POFUT1: variants seen among roughly 807,000 people sequenced by gnomAD.
POFUT1 encodes protein O-fucosyltransferase 1, also known as GDP-fucose protein O-fucosyltransferase 1.
In POFUT1, 16 loss-of-function variants were observed where a neutral mutation model predicts 42.4. That is an observed-to-expected ratio of 0.38 (90% CI 0.26 to 0.57). The LOEUF is 0.57. POFUT1 is among the 20% of genes least tolerant of loss of function. The pLI, the probability that POFUT1 is intolerant of heterozygous loss-of-function variation, is 0.71. For missense variants in POFUT1, 470 were observed against 504.6 expected (o/e 0.93, Z 0.66); for synonymous variants, 206 against 205.4 (o/e 1.00, Z -0.03).
intron 4 of POFUT1, chr20:32,223,537 A>AT (rs2047400484): frequency 4.1e-6 from 4 of 982,432 alleles, no homozygotes; most frequent in Non-Finnish European, 4.8e-6. Context: ...TTATCCTGAT[A>AT]TTCCAGCCCC....
At chr20:32,234,406 G>T in intron 6 of POFUT1, 67 bp from the exon 7 acceptor site, 1 of 1,379,112 alleles carries the variant, frequency 7.3e-7, no homozygotes, top group Non-Finnish European at 1.0e-6. Context: ...AATAAGGTTG[G>T]GGGTGTGGAT....
intron 2 of POFUT1, 41 bp downstream of exon 2, chr20:32,210,233 C>A (rs1402696613): frequency 1.2e-6 from 2 of 1,611,600 alleles, no homozygotes; most frequent in Non-Finnish European, 1.7e-6. Flanking sequence ...TCCGCCCTTT[C>A]TCAGTCTTGC....
At position 32,207,914 on chromosome 20, in the gene POFUT1, C is replaced by A; in HGVS notation, c.-28C>A. 1 of 1,567,550 alleles carries A rather than the reference C, an allele frequency of 6.4e-7. No individual in the cohort carries two copies. Among genetic ancestry groups the A allele is most frequent in the Non-Finnish European group, 8.6e-7 (1 of 1,165,558 alleles). The stretch of plus-strand genomic sequence containing the variant: ...CCTCCTTCCCTCCCCGACTGTGCGC[C>A]GCGGCTGGCTCGGGTTCCCGGGCCG... On this transcript the variant is annotated 5_prime_UTR_variant, in exon 1 of 7. Coordinates refer to ENST00000375749, the MANE Select transcript of POFUT1 (RefSeq NM_015352.2).
chr20:32,210,807 C>T (rs181323626), intron 2 of POFUT1, among the ~76,000 whole-genome samples: 12 of 152,306 alleles, frequency 7.9e-5, no homozygotes, highest in Admixed American at 3.9e-4. Context: ...TTGTATCTCC[C>T]GGAGCCTGGC....
intron 6 of POFUT1, 70 bp from the exon 7 acceptor site, chr20:32,234,403 T>G: frequency 7.4e-7 from 1 of 1,356,216 alleles, no homozygotes; most frequent in Non-Finnish European, 1.0e-6. Flanking sequence ...GGGAATAAGG[T>G]TGGGGGTGTG....
chr20:32,220,424 C>G (rs1377659257), intron 4 of POFUT1, among the ~76,000 whole-genome samples: 2 of 152,158 alleles, frequency 1.3e-5, no homozygotes, highest in Non-Finnish European at 2.9e-5. Flanking sequence ...GCCACCATGC[C>G]CATCCAGGGC....
rs149350926 is a variant in POFUT1 at position 32,237,506 on chromosome 20, G to T, written c.*2845G>T. 16 of 227,236 alleles carry T rather than the reference G, an allele frequency of 7.0e-5. No individual in the cohort carries two copies. Among genetic ancestry groups the T allele is most frequent in the African/African-American group, 3.5e-4 (16 of 45,196 alleles). The allele number at this position is 227,236 out of a possible 1,614,324, so 14.1% of individuals were successfully genotyped here. A position where few individuals can be genotyped will look rare whatever the true frequency, so the allele number is the denominator to read the frequency against. On this transcript the variant is annotated 3_prime_UTR_variant, in exon 7 of 7. Coordinates refer to ENST00000375749, the MANE Select transcript of POFUT1 (RefSeq NM_015352.2). ...TGCAAAGGCCCCGAGACTGGAGTGT[G>T]TTCCTGAAGAGCAGCCAGGAGGCCA...
rs1424014849 is a variant in POFUT1, at chr20:32,236,252, G to A, written c.*1591G>A. On this transcript the variant is annotated 3_prime_UTR_variant, in exon 7 of 7. Coordinates refer to ENST00000375749, the MANE Select transcript of POFUT1 (RefSeq NM_015352.2). ...CTAGGTTGTAAGCCTGTAGCTGGCT[G>A]GCTGATTTCATTTTGGAATTCATTT... 7 of 152,218 alleles carry A rather than the reference G, an allele frequency of 4.6e-5. No individual in the cohort carries two copies. The highest frequency in any genetic ancestry group is 8.8e-5 in the Non-Finnish European group (6 of 68,054). The allele number at this position is 152,218 out of a possible 1,614,324, so 9.4% of individuals were successfully genotyped here. A position where few individuals can be genotyped will look rare whatever the true frequency, so the allele number is the denominator to read the frequency against.
chr20:32,215,581 T>C, intron 3 of POFUT1, 130 bp downstream of exon 3: 1 of 797,338 alleles, frequency 1.3e-6, no homozygotes, highest in Non-Finnish European at 2.0e-6. Context: ...ATTTAAGTCC[T>C]GTTTCTGGCA....
intron 4 of POFUT1, among the ~76,000 whole-genome samples, chr20:32,219,315 G>T (rs1420460164): frequency 6.6e-6 from 1 of 152,164 alleles, no homozygotes; most frequent in Non-Finnish European, 1.5e-5. Context: ...GGAGCCAGTT[G>T]TGTCAGAGTT....
At chr20:32,231,309 T>C (rs921447605) in intron 6 of POFUT1, 9 of 494,454 alleles carry the variant, frequency 1.8e-5, no homozygotes, top group East Asian at 7.6e-5. Flanking sequence ...TATCATTTCT[T>C]CTCTCGGGCA....
intron 6 of POFUT1, among the ~76,000 whole-genome samples, chr20:32,234,151 C>A (rs1231643308): frequency 2.6e-5 from 4 of 152,108 alleles, no homozygotes; most frequent in African/African-American, 7.2e-5. Flanking sequence ...AAGCCCATCT[C>A]AAAAAATTAA....
intron 2 of POFUT1, among the ~76,000 whole-genome samples, chr20:32,214,582 T>C (rs2047348783): frequency 6.6e-6 from 1 of 152,254 alleles, no homozygotes; most frequent in Non-Finnish European, 1.5e-5. Context: ...GAGAAGTAAT[T>C]GATGCCTCGT....
chr20:32,238,587 T>A lies in POFUT1; in HGVS notation c.*3926T>A, dbSNP rs944405158. The A allele has an allele frequency of 1.3e-5, 2 of 152,176 alleles. No individual in the cohort carries two copies. Among genetic ancestry groups the A allele is most frequent in the African/African-American group, 4.8e-5 (2 of 41,444 alleles). 9.4% of individuals were successfully genotyped at this position (152,176 alleles called of 1,614,324 possible). On this transcript the variant is annotated 3_prime_UTR_variant, in exon 7 of 7. Transcript: ENST00000375749. Reference sequence around the variant, plus strand: ...TTGTTAGATCAAACACTTAAAACTTTTTGTTATGGAAGAATTCAAATATAA... The same window carrying A: ...TTGTTAGATCAAACACTTAAAACTTATTGTTATGGAAGAATTCAAATATAA...
In POFUT1 at chr20:32,216,734, G is replaced by T. The variant is rs1248005491; in HGVS notation, c.542+13G>T. The T allele has an allele frequency of 8.9e-6, 14 of 1,574,742 alleles. No individual in the cohort carries two copies. The South Asian group carries it at 1.6e-4, about 17-fold the overall frequency. On this transcript the variant is annotated intron_variant, in intron 4 of 6. Coordinates refer to ENST00000375749, the MANE Select transcript of POFUT1 (RefSeq NM_015352.2). Reference sequence around the variant, plus strand: ...AATGGAGCCAGAGGTACTTGGAGGGGGTAGCGTTTCTGGGTTTAGGGGAGG... The same window carrying T: ...AATGGAGCCAGAGGTACTTGGAGGGTGTAGCGTTTCTGGGTTTAGGGGAGG...
At position 32,228,419 on chromosome 20, in the gene POFUT1, C is replaced by A; in HGVS notation, c.699C>A (p.Pro233=). ...EAQIHAHLVR[P]YVGIHLRIGS... ...AGATTCATGCCCACCTTGTCCGGCC[C>A]TATGTGGGCATTCATCTGCGCATTG... is the stretch of plus-strand genomic sequence containing the variant. The change falls in exon 5 of 7, where the codon CCC becomes CCA. Residue 233 remains proline (P), a synonymous_variant. Transcript: ENST00000375749. 6.2e-7 allele frequency: 1 copy of A among 1,614,158 alleles called. No individual in the cohort carries two copies. Among genetic ancestry groups the A allele is most frequent in the Non-Finnish European group, 8.5e-7 (1 of 1,179,998 alleles).
In POFUT1 at chr20:32,237,793, C is replaced by T. The variant is rs191192342; in HGVS notation, c.*3132C>T. On this transcript the variant is annotated 3_prime_UTR_variant, in exon 7 of 7. Transcript: ENST00000375749. ...GCAGGGCTGTTAACAGGGTTGCAGG[C>T]GAGAGACTGGGGTGCTGGGCTCCCC... The T allele has an allele frequency of 6.4e-4, 344 of 534,640 alleles. 4 individuals carry two copies. The highest frequency in any genetic ancestry group is 2.9e-3 in the South Asian group (211 of 71,562). The allele number at this position is 534,640 out of a possible 1,614,324, so 33.1% of individuals were successfully genotyped here.
chr20:32,234,290 G>A (rs1382350468), intron 6 of POFUT1, among the ~76,000 whole-genome samples, 183 bp from the exon 7 acceptor site: 1 of 152,266 alleles, frequency 6.6e-6, no homozygotes, highest in Non-Finnish European at 1.5e-5. Context: ...GAGCCCGGAA[G>A]GGTGGGGTGG....
At chr20:32,232,581 T>C (rs979478983) in intron 6 of POFUT1, among the ~76,000 whole-genome samples, 5 of 152,130 alleles carry the variant, frequency 3.3e-5, no homozygotes, top group African/African-American at 7.2e-5. Flanking sequence ...ACAATCCAGA[T>C]AGCAAGATGA....
Sources: gnomAD v4.1 joint callset for allele counts (sites outside exome capture counted in the v4.1 genomes callset) on GRCh38, gnomAD v4.1.1 for gene constraint, MANE v1.5 for transcripts, NCBI Gene and HGNC (gene_info 2026-07-23, HGNC 2026-07-21) for gene names.